The following GRK4 variants were observed in gnomAD, a reference collection of about 807,000 sequenced individuals.
GRK4 encodes the protein G protein-coupled receptor kinase 4, also known as G protein-coupled receptor kinase 2-like.
A neutral mutation model predicts 77.9 loss-of-function variants in GRK4; 73 were observed. The observed-to-expected ratio is 0.94, with a 90% CI of 0.78 to 1.14. The LOEUF (loss-of-function observed/expected upper bound fraction) is 1.14. Ranked by LOEUF, GRK4 falls within the 50% of genes most tolerant of loss-of-function variation. GRK4 has a pLI of 0.00. For missense variants in GRK4, 729 were observed against 700.2 expected, an observed-to-expected ratio of 1.04 and a Z score of -0.46; for synonymous variants, 257 against 254.4, an observed-to-expected ratio of 1.01 and a Z score of -0.10.
chr4:3,026,987 G>T (rs749530235), intron 10 of GRK4, among the ~76,000 whole-genome samples: 1 of 152,244 alleles, frequency 6.6e-6, no homozygotes, highest in Non-Finnish European at 1.5e-5. Flanking sequence ...TGAAGATAGT[G>T]TCCGCTTCCA....
intron 1 of GRK4, among the ~76,000 whole-genome samples, chr4:2,976,966 C>T (rs546004147): frequency 8.7e-4 from 132 of 152,320 alleles, no homozygotes; most frequent in Admixed American, 2.1e-3. Context: ...AGTCTCTACT[C>T]CCCAGATTAG....
chr4:3,001,568 T>C (rs939840536), intron 4 of GRK4, among the ~76,000 whole-genome samples: 13 of 151,970 alleles, frequency 8.6e-5, no homozygotes, highest in African/African-American at 3.1e-4. Context: ...GGTTTCACCA[T>C]GTTTGTCAGG....
intron 2 of GRK4, among the ~76,000 whole-genome samples, chr4:2,987,739 G>A (rs1051007602): frequency 3.3e-5 from 5 of 152,188 alleles, no homozygotes; most frequent in South Asian, 2.1e-4. Context: ...TCAGCAGTTC[G>A]AGACTAGCCT....
intron 10 of GRK4, among the ~76,000 whole-genome samples, chr4:3,026,024 G>A (rs752633508): frequency 6.6e-6 from 1 of 152,242 alleles, no homozygotes; most frequent in Non-Finnish European, 1.5e-5. Context: ...ACCTGTTTGC[G>A]CAGCCCTCGC....
chr4:2,973,476 A>C (rs368509070), intron 1 of GRK4, among the ~76,000 whole-genome samples: 5 of 152,148 alleles, frequency 3.3e-5, no homozygotes, highest in African/African-American at 1.2e-4. Context: ...CGCTGTATGG[A>C]AGCCTCATTG....
At chr4:3,037,830 G>A (rs1449272577) in intron 14 of GRK4, among the ~76,000 whole-genome samples, 6 of 151,568 alleles carry the variant, frequency 4.0e-5, no homozygotes, top group African/African-American at 1.2e-4. Context: ...CAGGAGAATC[G>A]CTTGAACCTG....
chr4:3,000,495 T>A (rs949756231), intron 4 of GRK4, among the ~76,000 whole-genome samples: 1 of 152,174 alleles, frequency 6.6e-6, no homozygotes, highest in Non-Finnish European at 1.5e-5. Context: ...CCTGGAACAA[T>A]GCATATTTGT....
intron 7 of GRK4, among the ~76,000 whole-genome samples, chr4:3,011,405 A>G (rs1052111840): frequency 6.6e-6 from 1 of 152,164 alleles, no homozygotes; most frequent in African/African-American, 2.4e-5. Context: ...ACATGGCAAG[A>G]CCCCATCTCT....
chr4:2,965,531 A>T (rs1324756339), intron 1 of GRK4: 1 of 693,180 alleles, frequency 1.4e-6, no homozygotes, highest in South Asian at 1.5e-5. Context: ...ATGCCACAGC[A>T]GCCGGCGATG....
chr4:2,992,096 T>A, intron 3 of GRK4, 119 bp from the exon 4 acceptor site: 2 of 588,848 alleles, frequency 3.4e-6, no homozygotes, highest in Non-Finnish European at 6.2e-6. Context: ...CAGGCTGGCC[T>A]CGAACTCTTG....
At position 3,019,848 on chromosome 4, in the gene GRK4, C is replaced by T; in HGVS notation, c.932+17C>T. The T allele has an allele frequency of 6.3e-7, 1 of 1,591,040 alleles. No individual in the cohort carries two copies. The highest frequency in any genetic ancestry group is 8.6e-7 in the Non-Finnish European group (1 of 1,165,652). On this transcript the variant is annotated intron_variant, in intron 9 of 15. Transcript: ENST00000398052. ...TGTATACAGGTAAGAACGGTGCTAC[C>T]TAATGGAGCCTGCAAGTCTTGGAGC...
Position 3,040,659 on chromosome 4 carries a change from C to T in GRK4, c.*34C>T, listed in dbSNP as rs139469149. 7 of 1,586,604 alleles carry T rather than the reference C, an allele frequency of 4.4e-6. No individual in the cohort carries two copies. The South Asian group carries it at 5.7e-5, about 13-fold the overall frequency. ...GTGCGGACCACAGAGCAGACCCTGGCGCCAGGAAGGAGCATGTGTTAGCGT... is the reference window on the plus strand; with the variant it reads ...GTGCGGACCACAGAGCAGACCCTGGTGCCAGGAAGGAGCATGTGTTAGCGT... On this transcript the variant is annotated 3_prime_UTR_variant, in exon 16 of 16. Coordinates refer to ENST00000398052, the MANE Select transcript of GRK4 (RefSeq NM_182982.3).
chr4:3,019,912 G>A lies in GRK4; in HGVS notation c.932+81G>A, dbSNP rs961831965. 3.0e-6 allele frequency: 4 copies of A among 1,339,104 alleles called. No homozygotes were observed. The African/African-American group carries it at 4.4e-5, about 15-fold the overall frequency. 83.0% of individuals were successfully genotyped at this position (1,339,104 alleles called of 1,614,324 possible). On this transcript the variant is annotated intron_variant, in intron 9 of 15. Coordinates refer to ENST00000398052, the MANE Select transcript of GRK4 (RefSeq NM_182982.3). ...CCCTAGGCTTCCCTGGTTCACACTG[G>A]CTGCTTCCAGGATGGGCAGGAGAAT...
At chr4:3,038,247 C>A in intron 14 of GRK4, 129 bp from the exon 15 acceptor site, 1 of 1,127,056 alleles carries the variant, frequency 8.9e-7, no homozygotes. Flanking sequence ...AGAAAAGGGG[C>A]CCCACAGTGG....
chr4:2,994,289 C>A (rs768380864), intron 4 of GRK4, among the ~76,000 whole-genome samples: 2 of 152,274 alleles, frequency 1.3e-5, no homozygotes, highest in African/African-American at 2.4e-5. Flanking sequence ...TGGCTCACTG[C>A]AGCCTCTGCC....
chr4:3,023,739 C>G (rs754718113), intron 10 of GRK4, among the ~76,000 whole-genome samples: 14 of 152,190 alleles, frequency 9.2e-5, no homozygotes, highest in Non-Finnish European at 2.9e-5. Flanking sequence ...TGCTCACTTA[C>G]TGAGTTGTTA....
At chr4:2,989,687 C>A (rs1725540736) in intron 3 of GRK4, among the ~76,000 whole-genome samples, 1 of 152,170 alleles carries the variant, frequency 6.6e-6, no homozygotes, top group South Asian at 2.1e-4. Context: ...AACGCTTTAA[C>A]CCAGAAGCAT....
At chr4:3,009,842 C>A in intron 7 of GRK4, 131 bp downstream of exon 7, 1 of 566,592 alleles carries the variant, frequency 1.8e-6, no homozygotes, top group South Asian at 3.2e-5. Flanking sequence ...TGGGAATAAT[C>A]TTTGCCAACT....
chr4:3,033,429 G>A (rs1394518111), intron 12 of GRK4, among the ~76,000 whole-genome samples: 2 of 152,156 alleles, frequency 1.3e-5, no homozygotes, highest in Admixed American at 1.3e-4. Flanking sequence ...TCAGCTTACA[G>A]ATTTGTGGGG....
Sources: gnomAD v4.1 joint callset for allele counts (sites outside exome capture counted in the v4.1 genomes callset) on GRCh38, gnomAD v4.1.1 for gene constraint, MANE v1.5 for transcripts, NCBI Gene and HGNC (gene_info 2026-07-23, HGNC 2026-07-21) for gene names.